The following STMN4 variants were observed in gnomAD, a reference collection of about 807,000 sequenced individuals.
STMN4 encodes the protein stathmin 4, also known as stathmin-4.
A neutral mutation model predicts 29.1 loss-of-function variants in STMN4; 12 were observed. The ratio of observed to expected loss-of-function variants is 0.41; its 90% CI spans 0.26 to 0.67. STMN4 has a LOEUF of 0.67. Ranked by LOEUF, STMN4 falls within the 30% of genes least tolerant of loss-of-function variation. The pLI, the probability that STMN4 is intolerant of heterozygous loss-of-function variation, is 0.30. For missense variants in STMN4, 181 were observed against 262.8 expected (o/e 0.69, Z 2.15); for synonymous variants, 114 against 105.3 (o/e 1.08, Z -0.51).
At chr8:27,245,899 AC>A (rs1312794381) in intron 1 of STMN4, among the ~76,000 whole-genome samples, 1 of 152,202 alleles carries the variant, frequency 6.6e-6, no homozygotes, top group Non-Finnish European at 1.5e-5. Flanking sequence ...TCCTAGTCTA[AC>A]TTTGCATGAA....
At position 27,239,085 on chromosome 8, in the gene STMN4, G is replaced by A; in HGVS notation, c.591+886C>T. The A allele has an allele frequency of 5.1e-6, 5 of 972,154 alleles. No homozygotes were observed. In the South Asian group the frequency reaches 9.3e-5, roughly 18 times the overall value. 60.2% of individuals were successfully genotyped at this position (972,154 alleles called of 1,614,324 possible). On this transcript the variant is annotated intron_variant, in intron 6 of 6. Transcript: ENST00000350889. The stretch of plus-strand genomic sequence containing the variant: ...GCAGGCTGGTGCATCAGAGCACAGG[G>A]GCTGCCTCGTGCTGGCCAGCTCCAG...
intron 1 of STMN4, among the ~76,000 whole-genome samples, chr8:27,244,304 T>C (rs1161062894): frequency 6.6e-6 from 1 of 152,214 alleles, no homozygotes; most frequent in Non-Finnish European, 1.5e-5. Flanking sequence ...CCTCTTCAGA[T>C]GCCTCTCACC....
At chr8:27,242,130 C>G (rs1801492584) in intron 3 of STMN4, 1 of 568,726 alleles carries the variant, frequency 1.8e-6, no homozygotes, top group Admixed American at 3.0e-5. Context: ...CCCCCAGTCT[C>G]GATTTGCTGG....
intron 1 of STMN4, among the ~76,000 whole-genome samples, chr8:27,255,779 C>T (rs1362276790): frequency 6.6e-6 from 1 of 152,156 alleles, no homozygotes. Flanking sequence ...AAGAAGATAG[C>T]CACTTGGAAT....
chr8:27,254,032 C>T (rs60427085), intron 1 of STMN4, among the ~76,000 whole-genome samples: 1,565 of 152,314 alleles, frequency 0.01, 16 homozygotes, highest in Middle Eastern at 0.054. Flanking sequence ...ATTTGCCCAC[C>T]TCAGCCTCCC....
At position 27,236,764 on chromosome 8, in the gene STMN4, G is replaced by A. The variant is rs1801320412; in HGVS notation, c.*82C>T. 7.7e-6 allele frequency: 10 copies of A among 1,306,232 alleles called. No homozygotes were observed. Among genetic ancestry groups the A allele is most frequent in the Middle Eastern group, 5.5e-4 (2 of 3,656 alleles). 80.9% of individuals were successfully genotyped at this position (1,306,232 alleles called of 1,614,324 possible). On this transcript the variant is annotated 3_prime_UTR_variant, in exon 7 of 7. Coordinates refer to ENST00000350889, the MANE Select transcript of STMN4 (RefSeq NM_030795.4). ...CCCCCCAAACCCCAGTGCTGGGAGC[G>A]CAGCCGGCGGGCGAGGCTGCCTGGA... is the stretch of plus-strand genomic sequence containing the variant.
At position 27,236,896 on chromosome 8, in the gene STMN4, C is replaced by T. The variant is rs762534216; in HGVS notation, c.601G>A (p.Ala201Thr). The T allele has an allele frequency of 3.1e-6, 5 of 1,607,458 alleles. No individual in the cohort carries two copies. The highest frequency in any genetic ancestry group is 2.3e-5 in the East Asian group (1 of 44,284). The stretch of plus-strand genomic sequence containing the variant: ...TCCTTGTTTTTCCGCACCTCCTCGG[C>T]GTGCTTGTCCTGGAAAGGAAGGGAG... ...LERLQEKDKH[A>T]EEVRKNKELK... Residue 201 changes from alanine (A) to threonine (T), a missense_variant, in exon 7 of 7, where the codon GCC (alanine) becomes ACC (threonine). Coordinates refer to ENST00000350889, the MANE Select transcript of STMN4 (RefSeq NM_030795.4).
intron 1 of STMN4, among the ~76,000 whole-genome samples, chr8:27,254,515 G>A (rs1403607281): frequency 1.3e-5 from 2 of 152,332 alleles, no homozygotes; most frequent in South Asian, 2.1e-4. Flanking sequence ...CCCTAGGGGA[G>A]TGGACACGCA....
chr8:27,237,106 C>T (rs893138284), intron 6 of STMN4, among the ~76,000 whole-genome samples: 1 of 152,090 alleles, frequency 6.6e-6, no homozygotes, highest in African/African-American at 2.4e-5. Flanking sequence ...TGGTGCTGCC[C>T]CAGGGAGCTC....
intron 1 of STMN4, among the ~76,000 whole-genome samples, chr8:27,253,030 T>G (rs760183754): frequency 7.2e-5 from 11 of 152,214 alleles, no homozygotes; most frequent in Non-Finnish European, 1.5e-4. Context: ...CAATGAACCT[T>G]GTAGAAATTC....
In STMN4 at chr8:27,251,007, G is replaced by C. The variant is rs572616426; in HGVS notation, c.-78-7206C>G. On this transcript the variant is annotated intron_variant, in intron 1 of 6. Coordinates refer to ENST00000350889, the MANE Select transcript of STMN4 (RefSeq NM_030795.4). ...CTCATGCCTGTAATCCCAACACTTTGGGAGGCTGAGGCAGGCAAATCATGA... is the reference window on the plus strand; with the variant it reads ...CTCATGCCTGTAATCCCAACACTTTCGGAGGCTGAGGCAGGCAAATCATGA... Among the ~76,000 whole-genome samples the C allele has an allele frequency of 8.0e-4, 122 of 152,244 alleles. 1 individual carries two copies. Among genetic ancestry groups the C allele is most frequent in the Non-Finnish European group, 1.2e-3 (80 of 68,020 alleles).
chr8:27,246,066 T>C (rs545417364), intron 1 of STMN4, among the ~76,000 whole-genome samples: 5 of 152,282 alleles, frequency 3.3e-5, no homozygotes, highest in East Asian at 1.9e-4. Context: ...AGCTCTTCCA[T>C]TGTAACCAGT....
intron 4 of STMN4, 92 bp from the exon 5 acceptor site, chr8:27,241,354 T>C (rs1801465312): frequency 1.3e-6 from 2 of 1,534,568 alleles, no homozygotes; most frequent in Non-Finnish European, 1.8e-6. Context: ...GTGGGAGAAC[T>C]GGGGCCCCAA....
intron 6 of STMN4, among the ~76,000 whole-genome samples, chr8:27,237,641 A>G (rs1391525052): frequency 5.3e-5 from 8 of 152,210 alleles, no homozygotes; most frequent in African/African-American, 1.9e-4. Context: ...CTATTATAAG[A>G]GAACCTTCTT....
intron 6 of STMN4, chr8:27,239,595 A>G (rs1801405846): frequency 6.6e-6 from 7 of 1,061,532 alleles, no homozygotes; most frequent in Middle Eastern, 3.1e-4. Context: ...TCAAGAAAGC[A>G]TCTTTCCTTC....
At chr8:27,248,731 G>A (rs1056116533) in intron 1 of STMN4, among the ~76,000 whole-genome samples, 1 of 152,208 alleles carries the variant, frequency 6.6e-6, no homozygotes, top group Non-Finnish European at 1.5e-5. Flanking sequence ...ACACAGGTAG[G>A]TAGGGGCAGA....
Position 27,241,049 on chromosome 8 carries a change from T to C in STMN4, c.399+5A>G, listed in dbSNP as rs1296566047. ...GGGAGGAAAGAAGGAAGGGTCAGCATTTACCTTCCTTCGCTCCTCAGCCGC... is the reference window on the plus strand; with the variant it reads ...GGGAGGAAAGAAGGAAGGGTCAGCACTTACCTTCCTTCGCTCCTCAGCCGC... On this transcript the variant is annotated splice_donor_5th_base_variant and intron_variant, in intron 5 of 6. Transcript: ENST00000350889. 6.2e-7 allele frequency: 1 copy of C among 1,612,066 alleles called. No individual in the cohort carries two copies. The highest frequency in any genetic ancestry group is 8.5e-7 in the Non-Finnish European group (1 of 1,178,920).
chr8:27,250,699 C>T (rs1352812193), intron 1 of STMN4, among the ~76,000 whole-genome samples: 2 of 152,172 alleles, frequency 1.3e-5, no homozygotes, highest in African/African-American at 4.8e-5. Context: ...TTGCTTCCAA[C>T]AGCATCTAGA....
At chr8:27,254,130 C>T (rs1412483417) in intron 1 of STMN4, among the ~76,000 whole-genome samples, 1 of 152,198 alleles carries the variant, frequency 6.6e-6, no homozygotes, top group Non-Finnish European at 1.5e-5. Flanking sequence ...ATGGCAGGTG[C>T]AGATGCTAGA....
Sources: gnomAD v4.1 joint callset for allele counts (sites outside exome capture counted in the v4.1 genomes callset) on GRCh38, gnomAD v4.1.1 for gene constraint, MANE v1.5 for transcripts, NCBI Gene and HGNC (gene_info 2026-07-23, HGNC 2026-07-21) for gene names.